Variants in GTF2B observed in about 807,000 individuals in gnomAD.
The protein encoded by GTF2B is general transcription factor IIB.
GTF2B carries 20 observed loss-of-function variants against 34.6 expected under a neutral mutation model. The observed-to-expected ratio is 0.58, with a 90% CI of 0.41 to 0.84. The LOEUF (loss-of-function observed/expected upper bound fraction) is 0.84. Among genes scored for constraint, GTF2B ranks in the 40% least tolerant of loss-of-function variants. The pLI, the probability that GTF2B is intolerant of heterozygous loss-of-function variation, is 0.00. For missense variants in GTF2B, 237 were observed against 393.3 expected, an observed-to-expected ratio of 0.60 and a Z score of 3.36; for synonymous variants, 142 against 132.4, an observed-to-expected ratio of 1.07 and a Z score of -0.50.
intron 2 of GTF2B, among the ~76,000 whole-genome samples, chr1:88,880,156 A>G (rs904658770): frequency 6.6e-6 from 1 of 152,266 alleles, no homozygotes; most frequent in Non-Finnish European, 1.5e-5. Context: ...GTTTAATCTA[A>G]AAAGTTTCAG....
At chr1:88,881,039 T>C (rs1227549398) in intron 2 of GTF2B, among the ~76,000 whole-genome samples, 1 of 142,896 alleles carries the variant, frequency 7.0e-6, no homozygotes, top group Non-Finnish European at 1.5e-5. Context: ...AACTAGTAAG[T>C]GAAGGTACAA....
rs115701331 is a variant in GTF2B, at chr1:88,862,611, C to T, written c.258+1370G>A. On this transcript the variant is annotated intron_variant, in intron 3 of 6. Coordinates refer to ENST00000370500, the MANE Select transcript of GTF2B (RefSeq NM_001514.6). The stretch of plus-strand genomic sequence containing the variant: ...GCCTGTAATCCCAGCACTTTGGGTG[C>T]CTGAGGCGGGAGGACTGCTGAAGAC... Among the ~76,000 whole-genome samples the T allele has an allele frequency of 6.2e-3, 945 of 152,122 alleles. 12 individuals are homozygous for T. The South Asian group carries it at 0.067, about 11-fold the overall frequency.
At chr1:88,853,501 A>G (rs576498754) in intron 6 of GTF2B, among the ~76,000 whole-genome samples, 155 bp from the exon 7 acceptor site, 3 of 152,342 alleles carry the variant, frequency 2.0e-5, no homozygotes, top group African/African-American at 4.8e-5. Flanking sequence ...AATACATACT[A>G]AAAGGTAGAA....
At chr1:88,865,423 T>A (rs1673526842) in intron 2 of GTF2B, among the ~76,000 whole-genome samples, 1 of 152,150 alleles carries the variant, frequency 6.6e-6, no homozygotes, top group Admixed American at 6.6e-5. Context: ...ACGCATCAGT[T>A]TAAAACATTA....
chr1:88,857,124 C>T, intron 6 of GTF2B, 82 bp downstream of exon 6: 3 of 1,297,616 alleles, frequency 2.3e-6, no homozygotes, highest in Non-Finnish European at 3.2e-6. Flanking sequence ...TTGCTATTTA[C>T]CCGGTTCAGA....
chr1:88,877,698 G>A (rs1021245797), intron 2 of GTF2B, among the ~76,000 whole-genome samples: 2 of 152,312 alleles, frequency 1.3e-5, no homozygotes, highest in South Asian at 2.1e-4. Flanking sequence ...CTGGGAAGCC[G>A]AGGCACGTGT....
chr1:88,863,548 G>A (rs1673490621), intron 3 of GTF2B, among the ~76,000 whole-genome samples: 1 of 151,910 alleles, frequency 6.6e-6, no homozygotes, highest in Non-Finnish European at 1.5e-5. Flanking sequence ...GTAGAGATGG[G>A]GTTTCACCAT....
In GTF2B at chr1:88,863,973, C is replaced by T. The variant is rs760642167; in HGVS notation, c.258+8G>A. On this transcript the variant is annotated splice_region_variant and intron_variant, in intron 3 of 6. Transcript: ENST00000370500. ...CAATTGGTATTTCCTGCCAAATGGA[C>T]TTATTACCTTGCCAATCATGGTAGA... is the stretch of plus-strand genomic sequence containing the variant. 3 of 1,613,540 alleles carry T rather than the reference C, an allele frequency of 1.9e-6. No individual in the cohort carries two copies. In the South Asian group the frequency reaches 3.3e-5, roughly 18 times the overall value.
intron 2 of GTF2B, among the ~76,000 whole-genome samples, chr1:88,873,220 C>T (rs976316015): frequency 7.4e-6 from 1 of 135,852 alleles, no homozygotes; most frequent in Non-Finnish European, 1.5e-5. Context: ...GACAGAGTCT[C>T]GCTGTGTCGC....
At chr1:88,890,349 A>G (rs937295724) in intron 1 of GTF2B, among the ~76,000 whole-genome samples, 4 of 152,208 alleles carry the variant, frequency 2.6e-5, no homozygotes, top group South Asian at 2.1e-4. Flanking sequence ...TTCAAACAGT[A>G]TATTAGCTAA....
chr1:88,884,282 T>A (rs1281352144), intron 2 of GTF2B, among the ~76,000 whole-genome samples: 2 of 152,126 alleles, frequency 1.3e-5, no homozygotes, highest in Non-Finnish European at 2.9e-5. Flanking sequence ...CGCCTCAGCC[T>A]CCGAAAGTGC....
At chr1:88,859,736 T>C (rs1673393177) in intron 5 of GTF2B, 146 bp downstream of exon 5, 3 of 617,422 alleles carry the variant, frequency 4.9e-6, no homozygotes, top group Non-Finnish European at 8.4e-6. Flanking sequence ...CTCAGGAGGC[T>C]GAGGCAGGAG....
chr1:88,865,861 C>CA (rs750813876), intron 2 of GTF2B, among the ~76,000 whole-genome samples: 1,632 of 147,884 alleles, frequency 0.011, 31 homozygotes, highest in African/African-American at 0.04. Flanking sequence ...CAAAACAAAA[C>CA]AAACAAACAA....
In GTF2B at chr1:88,853,193, T is replaced by C. The variant is rs1271344958; in HGVS notation, c.*20A>G. The C allele has an allele frequency of 6.8e-6, 11 of 1,612,706 alleles. No individual in the cohort carries two copies. Among genetic ancestry groups the C allele is most frequent in the Non-Finnish European group, 8.5e-6 (10 of 1,178,708 alleles). On this transcript the variant is annotated 3_prime_UTR_variant, in exon 7 of 7. Coordinates refer to ENST00000370500, the MANE Select transcript of GTF2B (RefSeq NM_001514.6). ...CAGGCAAAGTTTTGTATTCAAGAAT[T>C]TGACGTTAGCTGCCTCAATTTATAG...
chr1:88,877,062 C>T (rs988354496), intron 2 of GTF2B, among the ~76,000 whole-genome samples: 1 of 152,122 alleles, frequency 6.6e-6, no homozygotes, highest in Non-Finnish European at 1.5e-5. Flanking sequence ...TAAAGTAGTA[C>T]AGATTTGTGT....
intron 2 of GTF2B, among the ~76,000 whole-genome samples, chr1:88,865,873 C>A (rs373947701): frequency 3.3e-4 from 46 of 139,856 alleles, no homozygotes; most frequent in African/African-American, 1.3e-3. Context: ...AACAAACAAA[C>A]AAAAATTAAT....
chr1:88,886,310 A>G (rs983359641), intron 2 of GTF2B, among the ~76,000 whole-genome samples: 1 of 152,198 alleles, frequency 6.6e-6, no homozygotes, highest in Non-Finnish European at 1.5e-5. Flanking sequence ...TTCATTCTTA[A>G]GTAATTCAAA....
At position 88,856,876 on chromosome 1, in the gene GTF2B, G is replaced by A. The variant is rs530798008; in HGVS notation, c.817+330C>T. 1.4e-4 allele frequency among the ~76,000 whole-genome samples: 21 copies of A among 148,144 alleles called. No homozygotes were observed. The South Asian group carries it at 2.3e-3, about 17-fold the overall frequency. The stretch of plus-strand genomic sequence containing the variant: ...GAGTGCAATGGCACAATCTCAGCTT[G>A]CTGTAACCTCCACCTCCCAGGTTCA... On this transcript the variant is annotated intron_variant, in intron 6 of 6. Coordinates refer to ENST00000370500, the MANE Select transcript of GTF2B (RefSeq NM_001514.6).
At chr1:88,870,134 A>G (rs1418636942) in intron 2 of GTF2B, among the ~76,000 whole-genome samples, 3 of 147,616 alleles carry the variant, frequency 2.0e-5, no homozygotes, top group East Asian at 2.0e-4. Flanking sequence ...CACTGTGTTA[A>G]CCAGGATGGT....
Sources: gnomAD v4.1 joint callset for allele counts (sites outside exome capture counted in the v4.1 genomes callset) on GRCh38, gnomAD v4.1.1 for gene constraint, MANE v1.5 for transcripts, NCBI Gene and HGNC (gene_info 2026-07-23, HGNC 2026-07-21) for gene names.